The following FBRS variants were observed in gnomAD, a reference collection of about 807,000 sequenced individuals.
FBRS encodes fibrosin.
Under a neutral mutation model 86.1 loss-of-function variants are expected in FBRS, and 15 were observed. The ratio of observed to expected loss-of-function variants is 0.17; its 90% confidence interval spans 0.12 to 0.27. The LOEUF (loss-of-function observed/expected upper bound fraction) is 0.27, where lower values mean the gene tolerates loss of function less well. Ranked by LOEUF, FBRS falls within the 10% of genes least tolerant of loss-of-function variation. The pLI is 1.00. For missense variants in FBRS, 1,367 were observed against 1,301.6 expected, an observed-to-expected ratio of 1.05 and a Z score of -0.77; for synonymous variants, 666 against 575.8, an observed-to-expected ratio of 1.16 and a Z score of -2.24.
chr16:30,662,381 A>G (rs1427060508), intron 4 of FBRS, 39 bp from the exon 5 acceptor site: 3 of 1,549,568 alleles, frequency 1.9e-6, no homozygotes, highest in Non-Finnish European at 2.6e-6. Context: ...GGCCTGGCCC[A>G]CCCACAACCT....
chr16:30,660,905 G>C (rs546322032), intron 2 of FBRS, among the ~76,000 whole-genome samples: 1 of 152,182 alleles, frequency 6.6e-6, no homozygotes, highest in Non-Finnish European at 1.5e-5. Flanking sequence ...AGCCCCCTAG[G>C]ATGTCTTAGT....
chr16:30,658,564 T>G lies in FBRS; in HGVS notation c.-955T>G, dbSNP rs1411441172. The G allele has an allele frequency of 6.6e-6, 1 of 152,516 alleles. No individual in the cohort carries two copies. The highest frequency in any genetic ancestry group is 6.5e-5 in the Admixed American group (1 of 15,284). The allele number at this position is 152,516 out of a possible 1,614,324, so 9.4% of individuals were successfully genotyped here. On this transcript the variant is annotated 5_prime_UTR_variant, in exon 1 of 18. Transcript: ENST00000356166. ...AGCTCCCCCGCTGCCCATCGGCCGT[T>G]CCGGATCCCCTAAGGCCCAAGTCGG...
chr16:30,665,975 T>C lies in FBRS; in HGVS notation c.1773+269T>C. On this transcript the variant is annotated intron_variant, in intron 11 of 17. Coordinates refer to ENST00000356166, the MANE Select transcript of FBRS (RefSeq NM_001105079.3). The surrounding 1 kb of genome is among the most constrained non-coding windows in gnomAD (Gnocchi z 4.1). ...TTTTTAATAAAGTTACAAAACACTT[T>C]TTTTCCAAATGACATCATACCAGGA... 2.1e-6 allele frequency: 1 copy of C among 487,634 alleles called. No individual in the cohort carries two copies. Among genetic ancestry groups the C allele is most frequent in the South Asian group, 2.9e-5 (1 of 34,174 alleles). The allele number at this position is 487,634 out of a possible 1,614,324, so 30.2% of individuals were successfully genotyped here.
chr16:30,660,296 G>A lies in FBRS; in HGVS notation c.493G>A (p.Glu165Lys). ...DASLQPPERL[E>K]HRLKHSGKRK... Reference sequence around the variant, plus strand: ...ATCTCTTCAGCCCCCAGAGCGACTGGAACATCGGCTGAAGCATTCTGGGAA... The same window carrying A: ...ATCTCTTCAGCCCCCAGAGCGACTGAAACATCGGCTGAAGCATTCTGGGAA... Residue 165 changes from glutamate (E) to lysine (K), a missense_variant, in exon 2 of 18, where the codon GAA becomes AAA. Glu to Lys is a moderately conservative substitution (Grantham distance 56, BLOSUM62 1). This residue lies in a region of FBRS where 702 missense variants were observed against 598.7 expected (regional missense o/e 1.17). Coordinates refer to ENST00000356166, the MANE Select transcript of FBRS (RefSeq NM_001105079.3). 7.7e-7 allele frequency: 1 copy of A among 1,303,314 alleles called. No individual in the cohort carries two copies. Among genetic ancestry groups the A allele is most frequent in the South Asian group, 2.5e-5 (1 of 40,546 alleles). The allele number at this position is 1,303,314 out of a possible 1,614,324, so 80.7% of individuals were successfully genotyped here. A position where few individuals can be genotyped will look rare whatever the true frequency, so the allele number is the denominator to read the frequency against.
In FBRS at chr16:30,659,843, G is replaced by A; in HGVS notation, c.325G>A (p.Glu109Lys). 2.2e-6 allele frequency: 3 copies of A among 1,385,368 alleles called. No homozygotes were observed. Among genetic ancestry groups the A allele is most frequent in the Non-Finnish European group, 1.9e-6 (2 of 1,040,326 alleles). The allele number at this position is 1,385,368 out of a possible 1,614,324, so 85.8% of individuals were successfully genotyped here. A position where few individuals can be genotyped will look rare whatever the true frequency, so the allele number is the denominator to read the frequency against. ...CGGCTCGGGCAGCCGCGGGGAGGAAGAGGAGGAGGAGGAGGAGGAGGGGGG... is the reference window on the plus strand; with the variant it reads ...CGGCTCGGGCAGCCGCGGGGAGGAAAAGGAGGAGGAGGAGGAGGAGGGGGG... The part of the protein sequence containing the change: ...PAGSGSRGEE[E>K]EEEEEEGGAD... Residue 109 changes from glutamate to lysine, a missense_variant, in exon 1 of 18, where the codon GAG (glutamate) becomes AAG (lysine). Around this residue, in one of 3 missense-constraint regions of FBRS, gnomAD observed 702 missense variants for 598.7 expected, o/e 1.17. Transcript: ENST00000356166.
In FBRS at chr16:30,664,334, G is replaced by C; in HGVS notation, c.1175G>C (p.Arg392Pro). Reference protein sequence around the residue: ...ASSSSAQLTHRPPTPSLPLPL... With the variant: ...ASSSSAQLTHPPPTPSLPLPL... Reference sequence around the variant, plus strand: ...TCCTCGTCCGCGCAGCTCACCCACCGGCCCCCGACGCCCTCACTGCCCCTG... The same window carrying C: ...TCCTCGTCCGCGCAGCTCACCCACCCGCCCCCGACGCCCTCACTGCCCCTG... Residue 392 changes from arginine (R) to proline (P), a missense_variant, in exon 7 of 18, where the codon CGG becomes CCG. This residue lies in a region of FBRS where 702 missense variants were observed against 598.7 expected (regional missense o/e 1.17). Coordinates refer to ENST00000356166, the MANE Select transcript of FBRS (RefSeq NM_001105079.3). The C allele has an allele frequency of 6.8e-7, 1 of 1,475,018 alleles. No individual in the cohort carries two copies. The highest frequency in any genetic ancestry group is 9.0e-7 in the Non-Finnish European group (1 of 1,106,010). 91.4% of individuals were successfully genotyped at this position (1,475,018 alleles called of 1,614,324 possible).
rs560230816 is a variant in FBRS, at chr16:30,669,210, CGCTGCT to C, written c.2514_2519del (p.Ala848_Ala849del). On this transcript the variant is annotated inframe_deletion, in exon 18 of 18. Transcript: ENST00000356166. The surrounding 1 kb of genome is among the most constrained non-coding windows in gnomAD (Gnocchi z 5.9). Reference sequence around the variant, plus strand: ...AGGAGGAGGCTGCCGCCGCCGCTGCCGCTGCTGCTGCCGCCGCCGCTGCCGCCGCCG... The same window carrying C: ...AGGAGGAGGCTGCCGCCGCCGCTGCCGCTGCCGCCGCCGCTGCCGCCGCCG... 2.6e-6 allele frequency: 4 copies of C among 1,544,566 alleles called. No homozygotes were observed. Among genetic ancestry groups the C allele is most frequent in the East Asian group, 2.5e-5 (1 of 40,730 alleles).
chr16:30,668,735 C>A, intron 16 of FBRS, 37 bp from the exon 17 acceptor site: 3 of 1,587,992 alleles, frequency 1.9e-6, no homozygotes, highest in Non-Finnish European at 2.6e-6. Context: ...CCTCCCACTT[C>A]TGGCCCCTGT....
In FBRS at chr16:30,661,469, T is replaced by C. The variant is rs1002805027; in HGVS notation, c.705+136T>C. On this transcript the variant is annotated intron_variant, in intron 4 of 17. Transcript: ENST00000356166. ...TTAGGTTGAGTCAGGATTAGGTTTT[T>C]GGGAGGAACGGGGGTGGATTGGGAG... The C allele has an allele frequency of 1.9e-5, 29 of 1,501,470 alleles. 1 individual carries two copies. The East Asian group carries it at 6.2e-4, about 32-fold the overall frequency. The allele number at this position is 1,501,470 out of a possible 1,614,324, so 93.0% of individuals were successfully genotyped here.
Position 30,662,405 on chromosome 16 carries a change from G to C in FBRS, c.706-15G>C. The C allele has an allele frequency of 1.3e-6, 2 of 1,550,344 alleles. No homozygotes were observed. Among genetic ancestry groups the C allele is most frequent in the Non-Finnish European group, 1.7e-6 (2 of 1,146,994 alleles). ...CACCCACAACCTAACTCTATCCCTT[G>C]CCCTTCTTCCCCAGGTCTCCGATGA... On this transcript the variant is annotated splice_polypyrimidine_tract_variant and intron_variant, in intron 4 of 17. Coordinates refer to ENST00000356166, the MANE Select transcript of FBRS (RefSeq NM_001105079.3).
In FBRS at chr16:30,665,024, C is replaced by T. The variant is rs748490287; in HGVS notation, c.1564-11C>T. The T allele has an allele frequency of 1.1e-5, 17 of 1,613,354 alleles. No individual in the cohort carries two copies. The South Asian group carries it at 1.9e-4, about 18-fold the overall frequency. ...CTGGCTGGCAGCTTACTCTTCCCTT[C>T]TCTTCCCTAGTTTGAGAAATATCCA... is the stretch of plus-strand genomic sequence containing the variant. On this transcript the variant is annotated splice_polypyrimidine_tract_variant and intron_variant, in intron 8 of 17. Coordinates refer to ENST00000356166, the MANE Select transcript of FBRS (RefSeq NM_001105079.3). This position sits in a 1 kb window ranked among gnomAD's most constrained non-coding sequence, Gnocchi z 4.1.
chr16:30,660,566 G>A, intron 2 of FBRS, 124 bp downstream of exon 2: 1 of 1,253,286 alleles, frequency 8.0e-7, no homozygotes, highest in Non-Finnish European at 1.0e-6. Context: ...GGCAAGCAGG[G>A]CAAATTTGAG....
In FBRS at chr16:30,659,287, G is replaced by C. The variant is rs1175240086; in HGVS notation, c.-232G>C. 1.1e-5 allele frequency: 2 copies of C among 177,858 alleles called. No individual in the cohort carries two copies. The highest frequency in any genetic ancestry group is 2.3e-5 in the Non-Finnish European group (2 of 85,446). The allele number at this position is 177,858 out of a possible 1,614,324, so 11.0% of individuals were successfully genotyped here. On this transcript the variant is annotated 5_prime_UTR_variant, in exon 1 of 18. Coordinates refer to ENST00000356166, the MANE Select transcript of FBRS (RefSeq NM_001105079.3). ...ACGGCCGCCCCGTTTTCGCCGTCGCGGCCCCGCCGAGCCCGCAGGGGGGGC... is the reference window on the plus strand; with the variant it reads ...ACGGCCGCCCCGTTTTCGCCGTCGCCGCCCCGCCGAGCCCGCAGGGGGGGC...
At chr16:30,663,344 G>A (rs1160034732) in intron 6 of FBRS, among the ~76,000 whole-genome samples, 1 of 152,186 alleles carries the variant, frequency 6.6e-6, no homozygotes, top group Non-Finnish European at 1.5e-5. Context: ...AGTGAATGCA[G>A]TGTTTCCCAA....
In FBRS at chr16:30,661,185, C is replaced by G; in HGVS notation, c.645C>G (p.Ser215=). ...TGGACTCTGGTCTTCCTCAGGCGTCCTCCCGTCACTCTCTGGAAGCTGGAT... is the reference window on the plus strand; with the variant it reads ...TGGACTCTGGTCTTCCTCAGGCGTCGTCCCGTCACTCTCTGGAAGCTGGAT... ...WPNKRRRKEA[S]SRHSLEAGYI... The change falls in exon 3 of 18, where the codon TCC becomes TCG. Residue 215 remains serine, a synonymous_variant. Transcript: ENST00000356166. 4 of 1,550,580 alleles carry G rather than the reference C, an allele frequency of 2.6e-6. No homozygotes were observed. Among genetic ancestry groups the G allele is most frequent in the Non-Finnish European group, 3.5e-6 (4 of 1,146,998 alleles).
In FBRS at chr16:30,669,675, C is replaced by T. The variant is rs781084611; in HGVS notation, c.*30C>T. On this transcript the variant is annotated 3_prime_UTR_variant, in exon 18 of 18. Coordinates refer to ENST00000356166, the MANE Select transcript of FBRS (RefSeq NM_001105079.3). This position sits in a 1 kb window ranked among gnomAD's most constrained non-coding sequence, Gnocchi z 5.9. ...AACGGGGGGGGGTCGGGGCAAAGCT[C>T]CATCTCCCCTTCCTTTAACCAGGTC... The T allele has an allele frequency of 2.5e-5, 39 of 1,556,252 alleles. No individual in the cohort carries two copies. Among genetic ancestry groups the T allele is most frequent in the Admixed American group, 5.8e-5 (3 of 51,648 alleles).
In FBRS at chr16:30,670,014, C is replaced by T. The variant is rs902194547; in HGVS notation, c.*369C>T. The T allele has an allele frequency of 3.1e-5, 16 of 511,302 alleles. No homozygotes were observed. The Admixed American group carries it at 3.7e-4, about 12-fold the overall frequency. 31.7% of individuals were successfully genotyped at this position (511,302 alleles called of 1,614,324 possible). A position where few individuals can be genotyped will look rare whatever the true frequency, so the allele number is the denominator to read the frequency against. On this transcript the variant is annotated 3_prime_UTR_variant, in exon 18 of 18. Transcript: ENST00000356166. The stretch of plus-strand genomic sequence containing the variant: ...AGAGGCCAAAGTGCCCCCTCCCGTT[C>T]ACCTACCACCCAAGTCCTCATGCCC...
In FBRS at chr16:30,666,517, C is replaced by T. The variant is rs761385435; in HGVS notation, c.1779C>T (p.Pro593=). ...CTCTCCTTTGCCATCCCCAGATCCC[C>T]GACCATTTCCGGCCACCTTTGAGGG... ...SGLSQKGTQI[P]DHFRPPLRKP... is the part of the protein sequence containing the mutation. The change falls in exon 12 of 18, where the codon CCC becomes CCT. Residue 593 remains proline (P), a synonymous_variant. Coordinates refer to ENST00000356166, the MANE Select transcript of FBRS (RefSeq NM_001105079.3). 9 of 1,614,020 alleles carry T rather than the reference C, an allele frequency of 5.6e-6. No individual in the cohort carries two copies. Among genetic ancestry groups the T allele is most frequent in the East Asian group, 2.2e-5 (1 of 44,884 alleles).
Position 30,668,942 on chromosome 16 carries a change from C to A in FBRS, c.2329C>A (p.Arg777=). 6.3e-7 allele frequency: 1 copy of A among 1,587,742 alleles called. No homozygotes were observed. Among genetic ancestry groups the A allele is most frequent in the South Asian group, 1.1e-5 (1 of 87,410 alleles). ...PGSDKERPVE[R]REPSITKEEK... ...CTCAGACAAGGAGCGGCCTGTGGAG[C>A]GGAGGGAGCCCTCCATCACCAAGGA... is the stretch of plus-strand genomic sequence containing the variant. The change falls in exon 17 of 18, where the codon CGG becomes AGG. Residue 777 remains arginine (R), a synonymous_variant. Coordinates refer to ENST00000356166, the MANE Select transcript of FBRS (RefSeq NM_001105079.3).
Sources: allele counts gnomAD v4.1 joint callset (sites outside exome capture counted in the v4.1 genomes callset), GRCh38; gene constraint gnomAD v4.1.1; regional missense constraint gnomAD v4.1.1; non-coding constraint Gnocchi (gnomAD v3.1); transcripts MANE v1.5; gene names NCBI Gene and HGNC (gene_info 2026-07-23, HGNC 2026-07-21).